RAB10: variants seen among roughly 807,000 people sequenced by gnomAD.
RAB10 encodes the protein RAB10, member RAS oncogene family.
RAB10 carries 5 observed loss-of-function variants against 25.7 expected under a neutral mutation model. The observed-to-expected ratio is 0.19, with a 90% confidence interval of 0.10 to 0.41. RAB10 has a LOEUF of 0.41. RAB10 is among the 10% of genes least tolerant of loss of function. The pLI is 1.00. For missense variants in RAB10, 103 were observed against 245.8 expected, an observed-to-expected ratio of 0.42 and a Z score of 3.89; for synonymous variants, 89 against 86.4, an observed-to-expected ratio of 1.03 and a Z score of -0.16.
At position 26,127,727 on chromosome 2, in the gene RAB10, CTG is replaced by C. The variant is rs745834317; in HGVS notation, c.418-119_418-118del. ...AAAGAGCTTGACTTGCTGAAATATT[CTG>C]TGTTATATATTCTAGTTGGGACCAC... On this transcript the variant is annotated intron_variant, in intron 4 of 5. Transcript: ENST00000264710. 8.7e-5 allele frequency: 55 copies of C among 634,770 alleles called. No individual in the cohort carries two copies. In the Middle Eastern group the frequency reaches 1.3e-3, roughly 15 times the overall value. The allele number at this position is 634,770 out of a possible 1,614,324, so 39.3% of individuals were successfully genotyped here. A position where few individuals can be genotyped will look rare whatever the true frequency, so the allele number is the denominator to read the frequency against.
At position 26,135,204 on chromosome 2, in the gene RAB10, T is replaced by A; in HGVS notation, c.*183T>A. ...CTTGCTGACTTTATCATAATTTTCT[T>A]CAAACAAAAAAATGTATAGAAAAAT... is the stretch of plus-strand genomic sequence containing the variant. On this transcript the variant is annotated 3_prime_UTR_variant, in exon 6 of 6. Coordinates refer to ENST00000264710, the MANE Select transcript of RAB10 (RefSeq NM_016131.5). The A allele has an allele frequency of 7.9e-6, 4 of 505,574 alleles. No individual in the cohort carries two copies. The South Asian group carries it at 1.4e-4, about 17-fold the overall frequency. 31.3% of individuals were successfully genotyped at this position (505,574 alleles called of 1,614,324 possible). A position where few individuals can be genotyped will look rare whatever the true frequency, so the allele number is the denominator to read the frequency against.
intron 2 of RAB10, among the ~76,000 whole-genome samples, chr2:26,107,186 C>T (rs1199060890): frequency 7.0e-6 from 1 of 142,606 alleles, no homozygotes; most frequent in Admixed American, 7.4e-5. Flanking sequence ...GCGGAGGTTG[C>T]AGTGAGCCAA....
chr2:26,053,606 T>C (rs1043045580), intron 1 of RAB10, among the ~76,000 whole-genome samples: 1 of 152,224 alleles, frequency 6.6e-6, no homozygotes, highest in Non-Finnish European at 1.5e-5. Flanking sequence ...ACCTGGTAAA[T>C]ATTCGTGCTT....
At chr2:26,097,075 G>T (rs76825919) in intron 1 of RAB10, among the ~76,000 whole-genome samples, 2,249 of 152,168 alleles carry the variant, frequency 0.015, 51 homozygotes, top group African/African-American at 0.052. Flanking sequence ...AACTTAGCTA[G>T]ACATGGTGGC....
chr2:26,086,833 C>T (rs1328580146), intron 1 of RAB10, among the ~76,000 whole-genome samples: 2 of 152,136 alleles, frequency 1.3e-5, no homozygotes, highest in Non-Finnish European at 2.9e-5. Context: ...ATAATACGGA[C>T]GGACCTTAAA....
At chr2:26,043,975 T>C (rs1665943333) in intron 1 of RAB10, among the ~76,000 whole-genome samples, 1 of 152,216 alleles carries the variant, frequency 6.6e-6, no homozygotes, top group African/African-American at 2.4e-5. Flanking sequence ...TAATGGTGAT[T>C]ACCAGGGGCT....
intron 1 of RAB10, among the ~76,000 whole-genome samples, chr2:26,095,617 A>G (rs1389100391): frequency 6.6e-6 from 1 of 152,148 alleles, no homozygotes; most frequent in Non-Finnish European, 1.5e-5. Flanking sequence ...AAAAAAAAAA[A>G]AAGCAAGCTC....
intron 2 of RAB10, among the ~76,000 whole-genome samples, chr2:26,099,764 G>T (rs1426759512): frequency 6.6e-6 from 1 of 151,790 alleles, no homozygotes; most frequent in Non-Finnish European, 1.5e-5. Context: ...GGATGGTCTC[G>T]ATCTCCTGAC....
intron 3 of RAB10, among the ~76,000 whole-genome samples, chr2:26,125,201 C>A (rs1667881925): frequency 1.3e-5 from 2 of 152,106 alleles, no homozygotes; most frequent in South Asian, 4.1e-4. Context: ...AGTGATTGCA[C>A]CATTTTACAT....
chr2:26,098,103 TTC>T (rs1667262606), intron 1 of RAB10, among the ~76,000 whole-genome samples: 1 of 129,666 alleles, frequency 7.7e-6, no homozygotes, highest in Non-Finnish European at 1.6e-5. Flanking sequence ...CTTTCTTTCT[TTC>T]TTTCTTTTTT....
intron 1 of RAB10, among the ~76,000 whole-genome samples, chr2:26,083,841 A>G (rs971654874): frequency 6.6e-6 from 1 of 152,154 alleles, no homozygotes; most frequent in Non-Finnish European, 1.5e-5. Context: ...TTCTGTGTTT[A>G]GCAGCAAACA....
At chr2:26,111,857 G>T (rs891839086) in intron 3 of RAB10, among the ~76,000 whole-genome samples, 1 of 152,050 alleles carries the variant, frequency 6.6e-6, no homozygotes, top group African/African-American at 2.4e-5. Context: ...CTACAAAATT[G>T]CCCTCACTTG....
intron 1 of RAB10, among the ~76,000 whole-genome samples, chr2:26,060,763 C>T (rs1019584381): frequency 6.6e-6 from 1 of 152,116 alleles, no homozygotes; most frequent in African/African-American, 2.4e-5. Context: ...TTCTTTCTAT[C>T]ACATTATGCC....
chr2:26,065,439 C>G (rs1252500440), intron 1 of RAB10, among the ~76,000 whole-genome samples: 1 of 151,940 alleles, frequency 6.6e-6, no homozygotes, highest in Non-Finnish European at 1.5e-5. Flanking sequence ...TGGCACTTCC[C>G]TGTTTGCAAG....
At chr2:26,045,669 AG>A (rs1461489192) in intron 1 of RAB10, among the ~76,000 whole-genome samples, 3 of 152,350 alleles carry the variant, frequency 2.0e-5, no homozygotes, top group African/African-American at 7.2e-5. Flanking sequence ...TTGTATGATT[AG>A]CTGAAGAGAT....
At chr2:26,086,761 A>G (rs562551288) in intron 1 of RAB10, among the ~76,000 whole-genome samples, 17 of 152,384 alleles carry the variant, frequency 1.1e-4, no homozygotes, top group Middle Eastern at 3.4e-3. Flanking sequence ...TAGACAAATT[A>G]TGGTGTACGC....
intron 1 of RAB10, among the ~76,000 whole-genome samples, chr2:26,052,088 A>G (rs553177947): frequency 1.3e-5 from 2 of 150,016 alleles, no homozygotes; most frequent in African/African-American, 4.9e-5. Flanking sequence ...CATTAAAAAG[A>G]TGTTTGCAGC....
intron 1 of RAB10, among the ~76,000 whole-genome samples, chr2:26,075,577 T>C (rs1666715496): frequency 6.6e-6 from 1 of 152,090 alleles, no homozygotes; most frequent in Non-Finnish European, 1.5e-5. Flanking sequence ...AAACCTGAAC[T>C]GAAAGCTAGA....
intron 5 of RAB10, among the ~76,000 whole-genome samples, chr2:26,131,594 GA>G (rs551290334): frequency 1.8e-3 from 269 of 150,672 alleles, no homozygotes; most frequent in Admixed American, 5.8e-3. Flanking sequence ...TTTAAAAGGA[GA>G]AAAAAAAAGG....
Sources: allele counts gnomAD v4.1 joint callset (sites outside exome capture counted in the v4.1 genomes callset), GRCh38; gene constraint gnomAD v4.1.1; transcripts MANE v1.5; gene names NCBI Gene and HGNC (gene_info 2026-07-23, HGNC 2026-07-21).